PDE4D: variants seen among roughly 807,000 people sequenced by gnomAD.
The protein encoded by PDE4D is 3',5'-cyclic-AMP phosphodiesterase 4D.
Under a neutral mutation model 87.4 loss-of-function variants are expected in PDE4D, and 24 were observed. That is an observed-to-expected ratio of 0.27 (90% CI 0.20 to 0.39). The LOEUF (loss-of-function observed/expected upper bound fraction) is 0.39, where lower values mean the gene tolerates loss of function less well. PDE4D is among the 10% of genes least tolerant of loss of function. The probability of loss-of-function intolerance (pLI) is 1.00; values close to 1 mark genes in which losing one functional copy is unlikely to be tolerated. For missense variants in PDE4D, 714 were observed against 1,041.0 expected (o/e 0.69, Z 4.32); for synonymous variants, 384 against 383.2 (o/e 1.00, Z -0.02).
chr5:60,272,706 G>A (rs544215289), intron 1 of PDE4D, among the ~76,000 whole-genome samples: 8 of 152,258 alleles, frequency 5.3e-5, no homozygotes, highest in African/African-American at 1.9e-4. Context: ...GTTCTGGAAG[G>A]AAATGAAACC....
At chr5:59,917,907 ATC>A (rs1455463627) in intron 3 of PDE4D, among the ~76,000 whole-genome samples, 4 of 152,060 alleles carry the variant, frequency 2.6e-5, no homozygotes, top group Non-Finnish European at 5.9e-5. Flanking sequence ...TTACGATTGC[ATC>A]TCTTTTTACA....
chr5:60,288,141 G>T (rs1332397353), intron 1 of PDE4D, among the ~76,000 whole-genome samples: 3 of 152,112 alleles, frequency 2.0e-5, no homozygotes, highest in African/African-American at 7.2e-5. Flanking sequence ...ATCACCTAGG[G>T]CTATCCCGAG....
At chr5:59,514,192 G>A (rs1443614224) in intron 1 of PDE4D, among the ~76,000 whole-genome samples, 5 of 150,304 alleles carry the variant, frequency 3.3e-5, no homozygotes, top group East Asian at 3.9e-4. Flanking sequence ...TGCATGCTCC[G>A]CCTCCCGGGT....
At chr5:59,030,857 CA>C (rs1187309774) in intron 6 of PDE4D, among the ~76,000 whole-genome samples, 2 of 152,160 alleles carry the variant, frequency 1.3e-5, no homozygotes, top group South Asian at 2.1e-4. Context: ...CTTTTAAGTT[CA>C]GGGGTACATG....
chr5:60,293,979 T>C (rs1370717247), intron 1 of PDE4D, among the ~76,000 whole-genome samples: 3 of 152,212 alleles, frequency 2.0e-5, no homozygotes, highest in Admixed American at 1.3e-4. Flanking sequence ...GGTCAAAGGG[T>C]AGGTGAAAGT....
At chr5:59,416,477 G>A (rs1014839698) in intron 1 of PDE4D, among the ~76,000 whole-genome samples, 7 of 152,120 alleles carry the variant, frequency 4.6e-5, no homozygotes, top group Admixed American at 4.6e-4. Context: ...TAATCCAGAT[G>A]TTTGCTCTAC....
chr5:59,857,126 C>T (rs1488197197), intron 1 of PDE4D, among the ~76,000 whole-genome samples: 1 of 151,758 alleles, frequency 6.6e-6, no homozygotes, highest in Non-Finnish European at 1.5e-5. Flanking sequence ...AGTCAGCAAT[C>T]AGCCGAGAGC....
intron 1 of PDE4D, among the ~76,000 whole-genome samples, chr5:59,691,187 G>C (rs1173875960): frequency 2.0e-5 from 3 of 152,170 alleles, no homozygotes; most frequent in Non-Finnish European, 2.9e-5. Context: ...TCTTGAACTA[G>C]AAATACTATT....
At chr5:59,580,821 C>A (rs1823983661) in intron 1 of PDE4D, among the ~76,000 whole-genome samples, 1 of 152,076 alleles carries the variant, frequency 6.6e-6, no homozygotes, top group African/African-American at 2.4e-5. Flanking sequence ...GAAGGTCACA[C>A]AAAACATTAA....
At chr5:60,218,636 C>T (rs1744140119) in intron 1 of PDE4D, among the ~76,000 whole-genome samples, 1 of 152,040 alleles carries the variant, frequency 6.6e-6, no homozygotes, top group Admixed American at 6.6e-5. Context: ...AATGGAAAGT[C>T]TGTGATATGA....
chr5:59,055,492 T>C (rs1762200789), intron 5 of PDE4D, among the ~76,000 whole-genome samples: 2 of 152,152 alleles, frequency 1.3e-5, no homozygotes, highest in African/African-American at 4.8e-5. Flanking sequence ...ATCTCTATCT[T>C]TTGTCAGCAA....
chr5:60,381,902 T>C (rs1441501863), intron 1 of PDE4D, among the ~76,000 whole-genome samples: 1 of 152,158 alleles, frequency 6.6e-6, no homozygotes, highest in Non-Finnish European at 1.5e-5. Flanking sequence ...CTGTGAAGGA[T>C]GAAACTTGGC....
intron 1 of PDE4D, among the ~76,000 whole-genome samples, chr5:59,385,779 C>A (rs58027545): frequency 0.04 from 6,096 of 152,194 alleles, 421 homozygotes; most frequent in African/African-American, 0.14. Flanking sequence ...GAGCCTTTAA[C>A]CCTGTTCCTA....
intron 2 of PDE4D, among the ~76,000 whole-genome samples, chr5:60,130,177 G>C (rs1779443383): frequency 6.6e-6 from 1 of 152,142 alleles, no homozygotes; most frequent in Non-Finnish European, 1.5e-5. Context: ...ATAAATTTCT[G>C]ATACTTATAA....
chr5:59,925,845 C>T (rs1755199891), intron 3 of PDE4D, among the ~76,000 whole-genome samples: 2 of 152,112 alleles, frequency 1.3e-5, no homozygotes, highest in Admixed American at 1.3e-4. Flanking sequence ...GCACTCAACA[C>T]TAGAGCATCC....
In PDE4D at chr5:59,609,377, T is replaced by TACACACACACACACACAC. The variant is rs61116888; in HGVS notation, c.455+283773_455+283790dup. Among the ~76,000 whole-genome samples the TACACACACACACACACAC allele has an allele frequency of 7.5e-3, 1,114 of 147,658 alleles. 11 individuals are homozygous for TACACACACACACACACAC. Among genetic ancestry groups the TACACACACACACACACAC allele is most frequent in the Middle Eastern group, 0.018 (5 of 282 alleles). ...CGTATATCTCTCTAATTTGTATATG[T>TACACACACACACACACAC]ACACACACACACACACACACACATA... is the stretch of plus-strand genomic sequence containing the variant. On this transcript the variant is annotated intron_variant, in intron 1 of 14. Coordinates refer to ENST00000340635, the MANE Select transcript of PDE4D (RefSeq NM_001104631.2).
chr5:59,282,726 T>A (rs1033912740), intron 1 of PDE4D, among the ~76,000 whole-genome samples: 1 of 151,896 alleles, frequency 6.6e-6, no homozygotes, highest in Non-Finnish European at 1.5e-5. Flanking sequence ...TAATAATAAT[T>A]TAGTTTCTGA....
At chr5:59,543,196 T>C (rs1429348066) in intron 1 of PDE4D, among the ~76,000 whole-genome samples, 1 of 152,146 alleles carries the variant, frequency 6.6e-6, no homozygotes, top group African/African-American at 2.4e-5. Context: ...GGTGCTGGCA[T>C]AGTGAAGTGA....
At chr5:59,139,172 G>A (rs535046992) in intron 5 of PDE4D, among the ~76,000 whole-genome samples, 2 of 152,146 alleles carry the variant, frequency 1.3e-5, no homozygotes, top group Non-Finnish European at 2.9e-5. Context: ...AAGGTAAGTC[G>A]CAGACAATGA....
Sources: gnomAD v4.1 joint callset for allele counts (sites outside exome capture counted in the v4.1 genomes callset) on GRCh38, gnomAD v4.1.1 for gene constraint, MANE v1.5 for transcripts, NCBI Gene and HGNC (gene_info 2026-07-23, HGNC 2026-07-21) for gene names.